Variants in TMEM161B observed in about 807,000 individuals in gnomAD.
TMEM161B encodes the protein transmembrane protein 161B.
In TMEM161B, 34 loss-of-function variants were observed where a neutral mutation model predicts 61.8. That is an observed-to-expected ratio of 0.55 (90% CI 0.42 to 0.73). The LOEUF is 0.73. Ranked by LOEUF, TMEM161B falls within the 30% of genes least tolerant of loss-of-function variation. TMEM161B has a pLI of 0.00. For synonymous variants in TMEM161B, 167 were observed against 192.8 expected (o/e 0.87, Z 1.11); for missense variants, 456 against 558.5 (o/e 0.82, Z 1.85).
intron 5 of TMEM161B, among the ~76,000 whole-genome samples, chr5:88,217,962 A>G (rs1207315996): frequency 1.3e-5 from 2 of 152,038 alleles, no homozygotes; most frequent in East Asian, 3.8e-4. Flanking sequence ...TAGACACGGG[A>G]AGATAATGTA....
At chr5:88,248,367 C>T (rs972581611) in intron 1 of TMEM161B, among the ~76,000 whole-genome samples, 15 of 151,996 alleles carry the variant, frequency 9.9e-5, no homozygotes, top group South Asian at 4.1e-4. Flanking sequence ...ATATCCCCTA[C>T]GTAACTGCCA....
At chr5:88,262,953 T>C (rs1321685293) in intron 1 of TMEM161B, among the ~76,000 whole-genome samples, 1 of 152,176 alleles carries the variant, frequency 6.6e-6, no homozygotes, top group African/African-American at 2.4e-5. Context: ...ATCTATTACA[T>C]GAAATTTCAT....
chr5:88,191,082 C>T (rs1748787846), downstream of TMEM161B, among the ~76,000 whole-genome samples: 1 of 152,186 alleles, frequency 6.6e-6, no homozygotes, highest in Non-Finnish European at 1.5e-5. Context: ...TTTATAATGT[C>T]TTCCTTGTCC....
At chr5:88,225,616 A>T (rs972681464) in intron 4 of TMEM161B, among the ~76,000 whole-genome samples, 153 bp downstream of exon 4, 1 of 152,244 alleles carries the variant, frequency 6.6e-6, no homozygotes, top group African/African-American at 2.4e-5. Context: ...GAACAAAAAA[A>T]TAAATTTAAT....
At chr5:88,205,662 A>G in intron 8 of TMEM161B, 152 bp downstream of exon 8, 1 of 806,190 alleles carries the variant, frequency 1.2e-6, no homozygotes. Context: ...AAATAAAAGA[A>G]ACTTGCTTAT....
Position 88,224,420 on chromosome 5 carries a change from A to C in TMEM161B, c.289+1349T>G, listed in dbSNP as rs188919295. ...TGCCTTTCCCTTCTAGGATTCAAAT[A>C]ATTTCATATTAATATTATTTTAAAC... is the stretch of plus-strand genomic sequence containing the variant. On this transcript the variant is annotated intron_variant, in intron 4 of 11. Coordinates refer to ENST00000296595, the MANE Select transcript of TMEM161B (RefSeq NM_153354.5). Among the ~76,000 whole-genome samples the C allele has an allele frequency of 2.6e-4, 39 of 152,308 alleles. No homozygotes were observed. The East Asian group carries it at 6.6e-3, about 26-fold the overall frequency.
chr5:88,257,041 G>A (rs1466366802), intron 1 of TMEM161B, among the ~76,000 whole-genome samples: 1 of 152,160 alleles, frequency 6.6e-6, no homozygotes, highest in Non-Finnish European at 1.5e-5. Flanking sequence ...TTTGGAGGCA[G>A]GCAGATCACT....
intron 2 of TMEM161B, among the ~76,000 whole-genome samples, chr5:88,240,170 T>C (rs1413571040): frequency 6.6e-6 from 1 of 151,798 alleles, no homozygotes; most frequent in Non-Finnish European, 1.5e-5. Flanking sequence ...TATGGTGTAG[T>C]AGACAAAATT....
intron 2 of TMEM161B, among the ~76,000 whole-genome samples, chr5:88,229,335 C>T (rs1465650863): frequency 6.6e-6 from 1 of 152,126 alleles, no homozygotes; most frequent in East Asian, 1.9e-4. Flanking sequence ...AAATTCTAAA[C>T]TCTGCCCTAC....
intron 1 of TMEM161B, among the ~76,000 whole-genome samples, chr5:88,249,770 C>T (rs1243038653): frequency 6.6e-6 from 1 of 152,206 alleles, no homozygotes; most frequent in East Asian, 1.9e-4. Flanking sequence ...AGTGTGCTGG[C>T]CTTTCTCAGA....
chr5:88,256,530 T>C (rs1346362159), intron 1 of TMEM161B, among the ~76,000 whole-genome samples: 1 of 152,250 alleles, frequency 6.6e-6, no homozygotes, highest in Non-Finnish European at 1.5e-5. Context: ...TTAGACCAAC[T>C]GCTACTGAGT....
intron 1 of TMEM161B, among the ~76,000 whole-genome samples, chr5:88,252,650 C>T (rs901861885): frequency 7.2e-5 from 11 of 152,108 alleles, no homozygotes; most frequent in Non-Finnish European, 8.8e-5. Flanking sequence ...ACTAGAACCA[C>T]TGACGGGAAA....
intron 5 of TMEM161B, among the ~76,000 whole-genome samples, chr5:88,210,824 A>G (rs1256827822): frequency 6.6e-6 from 1 of 152,208 alleles, no homozygotes; most frequent in Non-Finnish European, 1.5e-5. Flanking sequence ...CCAAGCCCTA[A>G]TTACATACAG....
chr5:88,192,014 A>G (rs1470835277), downstream of TMEM161B, among the ~76,000 whole-genome samples: 10 of 93,784 alleles, frequency 1.1e-4, no homozygotes, highest in African/African-American at 2.7e-4. Flanking sequence ...ATATATATAT[A>G]TATATATATA....
intron 5 of TMEM161B, among the ~76,000 whole-genome samples, chr5:88,207,419 T>C (rs1384666053): frequency 1.3e-5 from 2 of 152,218 alleles, no homozygotes; most frequent in African/African-American, 4.8e-5. Context: ...TTATGCAGTA[T>C]GTTCTCAGTG....
intron 1 of TMEM161B, among the ~76,000 whole-genome samples, chr5:88,265,662 T>A (rs1192343835): frequency 2.0e-5 from 3 of 152,138 alleles, no homozygotes; most frequent in African/African-American, 7.2e-5. Flanking sequence ...AATAATTTCT[T>A]TCCACTGTAC....
At chr5:88,239,935 A>C (rs915595513) in intron 2 of TMEM161B, among the ~76,000 whole-genome samples, 2 of 151,984 alleles carry the variant, frequency 1.3e-5, no homozygotes, top group South Asian at 2.1e-4. Flanking sequence ...TGGTTATTTA[A>C]CTGAAATGAA....
Position 88,196,139 on chromosome 5 carries a change from C to T in TMEM161B, c.*72G>A. 1 of 1,498,174 alleles carries T rather than the reference C, an allele frequency of 6.7e-7. No homozygotes were observed. The highest frequency in any genetic ancestry group is 1.4e-5 in the South Asian group (1 of 70,726). 92.8% of individuals were successfully genotyped at this position (1,498,174 alleles called of 1,614,324 possible). Reference sequence around the variant, plus strand: ...ATTGTATTTGCTTTCTTCTGGTTTTCATCAGCCCTTTAAGGGCACAGATAT... The same window carrying T: ...ATTGTATTTGCTTTCTTCTGGTTTTTATCAGCCCTTTAAGGGCACAGATAT... On this transcript the variant is annotated 3_prime_UTR_variant, in exon 12 of 12. Transcript: ENST00000296595.
chr5:88,209,465 C>A (rs1456260239), intron 5 of TMEM161B, among the ~76,000 whole-genome samples: 1 of 152,136 alleles, frequency 6.6e-6, no homozygotes, highest in Non-Finnish European at 1.5e-5. Flanking sequence ...ATTACACCTA[C>A]CACCACACTT....
Sources: gnomAD v4.1 joint callset for allele counts (sites outside exome capture counted in the v4.1 genomes callset) on GRCh38, gnomAD v4.1.1 for gene constraint, MANE v1.5 for transcripts, NCBI Gene and HGNC (gene_info 2026-07-23, HGNC 2026-07-21) for gene names.